Variants in PRDM11 observed in about 807,000 individuals in gnomAD.
PRDM11 encodes PR/SET domain 11, also known as PR domain-containing protein 11.
Under a neutral mutation model 97.8 loss-of-function variants are expected in PRDM11, and 20 were observed. That is an observed-to-expected ratio of 0.20 (90% CI 0.14 to 0.30). The LOEUF is 0.30. Among genes scored for constraint, PRDM11 ranks in the 10% least tolerant of loss-of-function variants. The pLI is 1.00. For missense variants in PRDM11, 1,139 were observed against 1,555.2 expected (o/e 0.73, Z 4.50); for synonymous variants, 599 against 637.7 (o/e 0.94, Z 0.91).
At chr11:45,126,819 A>G (rs1281901023) in intron 1 of PRDM11, among the ~76,000 whole-genome samples, 2 of 151,960 alleles carry the variant, frequency 1.3e-5, no homozygotes, top group African/African-American at 4.8e-5. Context: ...TGTGTCTTGG[A>G]GTTGCTCTTC....
intron 1 of PRDM11, among the ~76,000 whole-genome samples, chr11:45,126,251 C>T (rs1852568785): frequency 6.6e-6 from 1 of 151,982 alleles, no homozygotes. Flanking sequence ...AGATGGGTTT[C>T]CTGAATACAG....
intron 1 of PRDM11, among the ~76,000 whole-genome samples, chr11:45,106,801 C>A (rs1172053226): frequency 6.6e-6 from 1 of 152,208 alleles, no homozygotes. Flanking sequence ...AAATGCGTGG[C>A]ATTTTCTAGA....
At chr11:45,204,910 A>T in intron 5 of PRDM11, 132 bp downstream of exon 5, 1 of 941,002 alleles carries the variant, frequency 1.1e-6, no homozygotes, top group Non-Finnish European at 1.7e-6. Flanking sequence ...GTTTGGATGC[A>T]TCTAGCTCTG....
At chr11:45,187,356 C>T (rs1852742719) in intron 4 of PRDM11, among the ~76,000 whole-genome samples, 1 of 152,192 alleles carries the variant, frequency 6.6e-6, no homozygotes, top group Non-Finnish European at 1.5e-5. Flanking sequence ...AGACTGTGCC[C>T]AAGGAATGGC....
intron 1 of PRDM11, among the ~76,000 whole-genome samples, chr11:45,172,107 T>C (rs906184640): frequency 1.3e-5 from 2 of 152,124 alleles, no homozygotes; most frequent in Non-Finnish European, 2.9e-5. Context: ...CTCACAAAGC[T>C]CAGGAAAGTG....
Position 45,221,555 on chromosome 11 carries a change from G to A in PRDM11, c.742+1798G>A, listed in dbSNP as rs562482493. 3.3e-5 allele frequency among the ~76,000 whole-genome samples: 5 copies of A among 152,176 alleles called. No homozygotes were observed. In the East Asian group the frequency reaches 9.6e-4, roughly 29 times the overall value. On this transcript the variant is annotated intron_variant, in intron 6 of 7. Transcript: ENST00000683152. The stretch of plus-strand genomic sequence containing the variant: ...TGATGTCCTTTTCTTCCCCTCAGTG[G>A]TCTTCTCCAGAGCACCTGAAGCTGC...
intron 1 of PRDM11, among the ~76,000 whole-genome samples, chr11:45,097,717 A>G (rs1851908009): frequency 6.6e-6 from 1 of 152,240 alleles, no homozygotes; most frequent in Non-Finnish European, 1.5e-5. Flanking sequence ...GACCACCTGT[A>G]GGTGAGACAA....
intron 4 of PRDM11, among the ~76,000 whole-genome samples, chr11:45,187,818 G>C (rs886209858): frequency 6.6e-6 from 1 of 151,896 alleles, no homozygotes; most frequent in African/African-American, 2.4e-5. Flanking sequence ...GTGTGTGTGT[G>C]TGTGTGTGTG....
chr11:45,207,334 C>T (rs1260822348), intron 5 of PRDM11, among the ~76,000 whole-genome samples: 5 of 152,164 alleles, frequency 3.3e-5, no homozygotes, highest in East Asian at 1.9e-4. Flanking sequence ...GGCCAGGAGG[C>T]GAATGGGCAC....
At chr11:45,172,663 C>T (rs531788877) in intron 1 of PRDM11, among the ~76,000 whole-genome samples, 5 of 152,112 alleles carry the variant, frequency 3.3e-5, no homozygotes, top group Non-Finnish European at 7.3e-5. Flanking sequence ...ATTCCCTAAA[C>T]GATACAGTAT....
At chr11:45,221,862 C>T (rs1401061560) in intron 6 of PRDM11, among the ~76,000 whole-genome samples, 1 of 152,154 alleles carries the variant, frequency 6.6e-6, no homozygotes, top group Admixed American at 6.5e-5. Flanking sequence ...GCCTCTATAG[C>T]CTGTAGCTTC....
chr11:45,115,600 A>G (rs1416414853), intron 1 of PRDM11, among the ~76,000 whole-genome samples: 1 of 152,170 alleles, frequency 6.6e-6, no homozygotes, highest in Non-Finnish European at 1.5e-5. Flanking sequence ...GGTTGAAGGT[A>G]TAAGAAGACA....
intron 1 of PRDM11, among the ~76,000 whole-genome samples, chr11:45,137,326 G>A (rs1182130178): frequency 1.8e-4 from 28 of 151,904 alleles, no homozygotes; most frequent in African/African-American, 3.6e-4. Flanking sequence ...CCAGCTACTC[G>A]GGAGGCTGAG....
chr11:45,105,218 C>T (rs191689909), intron 1 of PRDM11, among the ~76,000 whole-genome samples: 31 of 152,336 alleles, frequency 2.0e-4, no homozygotes, highest in African/African-American at 7.2e-4. Flanking sequence ...AGTCAACTGT[C>T]CTCATGGCCT....
intron 4 of PRDM11, among the ~76,000 whole-genome samples, chr11:45,195,147 T>G (rs1037752252): frequency 1.3e-5 from 2 of 152,160 alleles, no homozygotes; most frequent in Admixed American, 1.3e-4. Flanking sequence ...GTAAGATCGT[T>G]CCCTTCTCCT....
chr11:45,097,592 A>T (rs1293129864), intron 1 of PRDM11, among the ~76,000 whole-genome samples: 1 of 152,108 alleles, frequency 6.6e-6, no homozygotes, highest in Non-Finnish European at 1.5e-5. Flanking sequence ...AGACCATTGA[A>T]CTCTACTGCA....
At position 45,232,578 on chromosome 11, in the gene PRDM11, G is replaced by A. The variant is rs1854419361; in HGVS notation, c.*4419G>A. 6.6e-6 allele frequency: 1 copy of A among 152,344 alleles called. No individual in the cohort carries two copies. The highest frequency in any genetic ancestry group is 2.1e-4 in the South Asian group (1 of 4,832). 9.4% of individuals were successfully genotyped at this position (152,344 alleles called of 1,614,324 possible). A position where few individuals can be genotyped will look rare whatever the true frequency, so the allele number is the denominator to read the frequency against. ...AGGCCAGTCCTCCTCAGACAAGAAA[G>A]GGGTTTTCAGAGGGCAGTGGTGTGC... On this transcript the variant is annotated 3_prime_UTR_variant, in exon 8 of 8. Coordinates refer to ENST00000683152, the MANE Select transcript of PRDM11 (RefSeq NM_001384648.1).
At position 45,226,136 on chromosome 11, in the gene PRDM11, T is replaced by A. The variant is rs1481172767; in HGVS notation, c.1511T>A (p.Ile504Asn). ...SKMSSATGRR[I>N]RRFKQEWLKK... ...ATGTCATCGGCCACCGGGCGCCGAA[T>A]CCGGCGCTTTAAGCAGGAATGGCTG... Residue 504 changes from isoleucine (I) to asparagine (N), a missense_variant, in exon 8 of 8, where the codon ATC becomes AAC. This residue lies in a region of PRDM11 where 710 missense variants were observed against 1,044.9 expected (regional missense o/e 0.68). Coordinates refer to ENST00000683152, the MANE Select transcript of PRDM11 (RefSeq NM_001384648.1). 8 of 1,533,260 alleles carry A rather than the reference T, an allele frequency of 5.2e-6. No individual in the cohort carries two copies. The highest frequency in any genetic ancestry group is 7.0e-6 in the Non-Finnish European group (8 of 1,146,106). The allele number at this position is 1,533,260 out of a possible 1,614,324, so 95.0% of individuals were successfully genotyped here.
chr11:45,107,930 A>G (rs1170628771), intron 1 of PRDM11, among the ~76,000 whole-genome samples: 3 of 151,934 alleles, frequency 2.0e-5, no homozygotes, highest in Non-Finnish European at 2.9e-5. Context: ...CCAGGGTACA[A>G]GTGATTCTCA....
Sources: allele counts gnomAD v4.1 joint callset (sites outside exome capture counted in the v4.1 genomes callset), GRCh38; gene constraint gnomAD v4.1.1; regional missense constraint gnomAD v4.1.1; transcripts MANE v1.5; gene names NCBI Gene and HGNC (gene_info 2026-07-23, HGNC 2026-07-21).